The following SORCS1 variants were observed in gnomAD, a reference collection of about 807,000 sequenced individuals.
The protein encoded by SORCS1 is sortilin related VPS10 domain containing receptor 1.
In SORCS1, 60 loss-of-function variants were observed where a neutral mutation model predicts 146.1. The observed-to-expected ratio is 0.41, with a 90% CI of 0.33 to 0.51. The LOEUF is 0.51. Ranked by LOEUF, SORCS1 falls within the 20% of genes least tolerant of loss-of-function variation. SORCS1 has a pLI of 0.21. For missense variants in SORCS1, 1,352 were observed against 1,487.6 expected, an observed-to-expected ratio of 0.91 and a Z score of 1.50; for synonymous variants, 637 against 584.0, an observed-to-expected ratio of 1.09 and a Z score of -1.31.
At chr10:106,985,332 G>A (rs1956420364) in intron 1 of SORCS1, among the ~76,000 whole-genome samples, 1 of 152,032 alleles carries the variant, frequency 6.6e-6, no homozygotes, top group Admixed American at 6.5e-5. Flanking sequence ...AGTTGAAGTT[G>A]ATTTGAAATT....
At chr10:106,737,060 A>AGTGTGCGT (rs1554915910) in intron 5 of SORCS1, among the ~76,000 whole-genome samples, 8 of 151,032 alleles carry the variant, frequency 5.3e-5, no homozygotes, top group South Asian at 2.1e-4. Context: ...TGTGCATGTG[A>AGTGTGCGT]GTGTGTGTGT....
upstream of SORCS1, among the ~76,000 whole-genome samples, chr10:107,168,640 T>C (rs1231888190): frequency 6.7e-6 from 1 of 150,136 alleles, no homozygotes; most frequent in African/African-American, 2.5e-5. Flanking sequence ...AACTATGCTA[T>C]GGAGTTTAAA....
intron 2 of SORCS1, among the ~76,000 whole-genome samples, chr10:106,913,104 G>T (rs1952244645): frequency 6.7e-6 from 1 of 150,126 alleles, no homozygotes; most frequent in East Asian, 1.9e-4. Context: ...GGCTTACATT[G>T]CTAAAGTGTC....
At chr10:106,578,947 A>G in intron 25 of SORCS1, 1 of 1,432,266 alleles carries the variant, frequency 7.0e-7, no homozygotes, top group African/African-American at 1.4e-5. Flanking sequence ...AATCAGAGGA[A>G]GCAGGGAAAA....
chr10:107,016,460 G>T (rs1253807618), intron 1 of SORCS1, among the ~76,000 whole-genome samples: 1 of 152,036 alleles, frequency 6.6e-6, no homozygotes, highest in Non-Finnish European at 1.5e-5. Flanking sequence ...AGATGAGATT[G>T]TGCCACTGCA....
chr10:106,726,135 G>GTTT (rs1856145751), intron 6 of SORCS1, among the ~76,000 whole-genome samples: 1 of 122,842 alleles, frequency 8.1e-6, no homozygotes, highest in African/African-American at 3.1e-5. Flanking sequence ...TGTTGTTGTT[G>GTTT]TTGTTGTTTT....
intron 1 of SORCS1, among the ~76,000 whole-genome samples, chr10:107,043,390 C>T (rs1239926722): frequency 6.6e-6 from 1 of 152,136 alleles, no homozygotes; most frequent in East Asian, 1.9e-4. Context: ...ATTCCGCCGT[C>T]TGAATGATTA....
rs1589629378 is a variant in SORCS1, at chr10:106,672,796, T to G, written c.2058+72A>C. ...CTAGAGCATCCTAGTTCCTATACCT[T>G]AGCAACTAGCTTTCCCCCAACACCA... On this transcript the variant is annotated intron_variant, in intron 15 of 25. Coordinates refer to ENST00000263054, the MANE Select transcript of SORCS1 (RefSeq NM_052918.5). 4 of 1,304,578 alleles carry G rather than the reference T, an allele frequency of 3.1e-6. No homozygotes were observed. The East Asian group carries it at 9.2e-5, about 30-fold the overall frequency. 80.8% of individuals were successfully genotyped at this position (1,304,578 alleles called of 1,614,324 possible). A position where few individuals can be genotyped will look rare whatever the true frequency, so the allele number is the denominator to read the frequency against.
intron 1 of SORCS1, among the ~76,000 whole-genome samples, chr10:106,979,779 G>A (rs1186062616): frequency 1.3e-5 from 2 of 152,122 alleles, no homozygotes; most frequent in Non-Finnish European, 2.9e-5. Flanking sequence ...CAATGAATAC[G>A]CTATGGAGTC....
chr10:107,119,915 T>A (rs958234906), intron 1 of SORCS1, among the ~76,000 whole-genome samples: 1 of 152,092 alleles, frequency 6.6e-6, no homozygotes, highest in Non-Finnish European at 1.5e-5. Context: ...TATGGAACTA[T>A]CCGTTTACAG....
At chr10:106,593,632 TG>T (rs1313567465) in intron 24 of SORCS1, among the ~76,000 whole-genome samples, 3 of 152,230 alleles carry the variant, frequency 2.0e-5, no homozygotes, top group Non-Finnish European at 4.4e-5. Flanking sequence ...AACTTAATAA[TG>T]CCAGTTGATC....
intron 1 of SORCS1, among the ~76,000 whole-genome samples, chr10:106,996,183 C>A (rs12412289): frequency 7.5e-5 from 11 of 147,578 alleles, no homozygotes; most frequent in Non-Finnish European, 1.0e-4. Context: ...GCCAAGACTG[C>A]GCCACTGTAC....
In SORCS1 at chr10:106,998,821, A is replaced by G. The variant is rs1260082225; in HGVS notation, c.559-42241T>C. 8.5e-5 allele frequency among the ~76,000 whole-genome samples: 13 copies of G among 152,196 alleles called. No individual in the cohort carries two copies. The East Asian group carries it at 2.3e-3, about 27-fold the overall frequency. On this transcript the variant is annotated intron_variant, in intron 1 of 25. Coordinates refer to ENST00000263054, the MANE Select transcript of SORCS1 (RefSeq NM_052918.5). Reference sequence around the variant, plus strand: ...ATACACTGAGCTCCAAAAGTTTAGGACTTTGCAAAGATTAATTTCTGTGGT... The same window carrying G: ...ATACACTGAGCTCCAAAAGTTTAGGGCTTTGCAAAGATTAATTTCTGTGGT...
intron 1 of SORCS1, among the ~76,000 whole-genome samples, chr10:107,157,823 C>T (rs150965739): frequency 6.6e-6 from 1 of 152,294 alleles, no homozygotes; most frequent in East Asian, 1.9e-4. Context: ...TTTTATGGAG[C>T]CTGGCCTCAC....
chr10:106,763,664 G>A (rs1589826827), intron 4 of SORCS1, among the ~76,000 whole-genome samples: 2 of 152,116 alleles, frequency 1.3e-5, no homozygotes, highest in East Asian at 3.9e-4. Context: ...CCAGATGAAA[G>A]GCCACCTCTT....
intron 5 of SORCS1, among the ~76,000 whole-genome samples, chr10:106,757,466 C>T (rs147148160): frequency 1.4e-3 from 210 of 152,234 alleles, no homozygotes; most frequent in East Asian, 3.3e-3. Context: ...AACTGGTTTC[C>T]AGAAGTGAGT....
rs1032476642 is a variant in SORCS1 at position 106,574,391 on chromosome 10, A to C, written c.*3029T>G. ...CCTCCCTACACACTCCTCTGACCTT[A>C]AGCCCACCAAACTCCTTGTGTGTTT... On this transcript the variant is annotated 3_prime_UTR_variant, in exon 26 of 26. Transcript: ENST00000263054. 1 of 152,562 alleles carries C rather than the reference A, an allele frequency of 6.6e-6. No individual in the cohort carries two copies. Among genetic ancestry groups the C allele is most frequent in the Non-Finnish European group, 1.5e-5 (1 of 68,036 alleles). 9.5% of individuals were successfully genotyped at this position (152,562 alleles called of 1,614,324 possible). A position where few individuals can be genotyped will look rare whatever the true frequency, so the allele number is the denominator to read the frequency against.
intron 2 of SORCS1, among the ~76,000 whole-genome samples, chr10:106,884,676 C>T (rs921931331): frequency 2.0e-5 from 3 of 152,196 alleles, no homozygotes; most frequent in Admixed American, 1.3e-4. Context: ...TGCGTGAACA[C>T]TTTCAATGCT....
intron 19 of SORCS1, among the ~76,000 whole-genome samples, chr10:106,624,415 C>T (rs1465925014): frequency 3.8e-5 from 5 of 131,962 alleles, no homozygotes; most frequent in African/African-American, 8.8e-5. Flanking sequence ...GACTGGAGTG[C>T]AGTGGCACGA....
Sources: gnomAD v4.1 joint callset for allele counts (sites outside exome capture counted in the v4.1 genomes callset) on GRCh38, gnomAD v4.1.1 for gene constraint, MANE v1.5 for transcripts, NCBI Gene and HGNC (gene_info 2026-07-23, HGNC 2026-07-21) for gene names.